CAMK2G: variants seen among roughly 807,000 people sequenced by gnomAD.
CAMK2G encodes calcium/calmodulin dependent protein kinase II gamma.
CAMK2G carries 23 observed loss-of-function variants against 88.7 expected under a neutral mutation model. The observed-to-expected ratio is 0.26, with a 90% CI of 0.19 to 0.37. CAMK2G has a LOEUF of 0.37. Among genes scored for constraint, CAMK2G ranks in the 10% least tolerant of loss-of-function variants. The pLI, the probability that CAMK2G is intolerant of heterozygous loss-of-function variation, is 1.00. For synonymous variants in CAMK2G, 263 were observed against 294.8 expected, an observed-to-expected ratio of 0.89 and a Z score of 1.11; for missense variants, 476 against 780.8, an observed-to-expected ratio of 0.61 and a Z score of 4.65.
intron 18 of CAMK2G, among the ~76,000 whole-genome samples, chr10:73,820,876 G>T (rs1164175410): frequency 1.3e-5 from 2 of 151,962 alleles, no homozygotes; most frequent in African/African-American, 4.8e-5. Flanking sequence ...GTTTCACCAT[G>T]TTGGCCAGGC....
At chr10:73,818,840 G>A (rs1487884208) in intron 19 of CAMK2G, 1 of 456,232 alleles carries the variant, frequency 2.2e-6, no homozygotes, top group East Asian at 6.9e-5. Context: ...AACTCTGCAA[G>A]GATAGATGGT....
chr10:73,816,444 A>G, intron 21 of CAMK2G: 2 of 1,084,712 alleles, frequency 1.8e-6, no homozygotes, highest in Non-Finnish European at 2.3e-6. Context: ...CGTCTTGGAA[A>G]GAGGTGAGGC....
Position 73,820,464 on chromosome 10 carries a change from T to TTTTATA in CAMK2G, c.1250-820_1250-819insTATAAA, listed in dbSNP as rs1483925128. 4.0e-5 allele frequency among the ~76,000 whole-genome samples: 3 copies of TTTTATA among 74,088 alleles called. No homozygotes were observed. The South Asian group carries it at 1.6e-3, about 40-fold the overall frequency. 48.6% of individuals were successfully genotyped at this position (74,088 alleles called of 152,430 possible). On this transcript the variant is annotated intron_variant, in intron 18 of 22. Transcript: ENST00000423381. ...TCCCAGGACTATCTGGGTTTTATATTTATATATATATATATATATATATAT... is the reference window on the plus strand; with the variant it reads ...TCCCAGGACTATCTGGGTTTTATATTTTTATATATATATATATATATATATATATAT...
chr10:73,873,393 C>T, intron 1 of CAMK2G: 2 of 1,253,500 alleles, frequency 1.6e-6, no homozygotes, highest in Non-Finnish European at 2.0e-6. Context: ...CACACACCTG[C>T]TGCATCTCAG....
At chr10:73,825,235 AG>A (rs2090515759) in intron 16 of CAMK2G, 43 bp downstream of exon 16, 1 of 1,386,128 alleles carries the variant, frequency 7.2e-7, no homozygotes, top group Non-Finnish European at 1.0e-6. Context: ...AAGGGGCAGG[AG>A]GCAGCCAGGG....
intron 21 of CAMK2G, 129 bp downstream of exon 21, chr10:73,816,894 A>G (rs2085764311): frequency 6.2e-7 from 1 of 1,609,046 alleles, no homozygotes; most frequent in Non-Finnish European, 8.5e-7. Flanking sequence ...ACAAGCATAC[A>G]GAGTAGGAGT....
intron 4 of CAMK2G, chr10:73,852,570 C>T: frequency 1.9e-6 from 1 of 516,104 alleles, no homozygotes; most frequent in East Asian, 3.2e-5. Context: ...AATAGTCAGG[C>T]AGAGATGAAG....
intron 2 of CAMK2G, among the ~76,000 whole-genome samples, chr10:73,863,038 T>C (rs143045473): frequency 2.0e-4 from 30 of 152,288 alleles, no homozygotes; most frequent in African/African-American, 6.0e-4. Context: ...ACTGTCAGTG[T>C]GAGATAATGT....
intron 2 of CAMK2G, among the ~76,000 whole-genome samples, chr10:73,871,422 T>C (rs1252000111): frequency 6.6e-6 from 1 of 152,280 alleles, no homozygotes; most frequent in East Asian, 1.9e-4. Context: ...CTCTTACCCA[T>C]GGGTCAGAGG....
Position 73,842,431 on chromosome 10 carries a change from G to A in CAMK2G, c.903+27C>T. 1 of 1,548,628 alleles carries A rather than the reference G, an allele frequency of 6.5e-7. No homozygotes were observed. The highest frequency in any genetic ancestry group is 8.9e-7 in the Non-Finnish European group (1 of 1,120,096). Reference sequence around the variant, plus strand: ...CTGGTGCAAGGCATGATGTCAAGGAGGCTGGCAGCCTAGAAACGACACTCA... The same window carrying A: ...CTGGTGCAAGGCATGATGTCAAGGAAGCTGGCAGCCTAGAAACGACACTCA... On this transcript the variant is annotated intron_variant, in intron 11 of 22. Coordinates refer to ENST00000423381, the MANE Select transcript of CAMK2G (RefSeq NM_001367534.1). This position sits in a 1 kb window ranked among gnomAD's most constrained non-coding sequence, Gnocchi z 4.6.
At chr10:73,871,168 A>G (rs1472956071) in intron 2 of CAMK2G, among the ~76,000 whole-genome samples, 6 of 143,708 alleles carry the variant, frequency 4.2e-5, no homozygotes, top group East Asian at 2.3e-4. Context: ...CTTGAGGGGA[A>G]AAAAAAAAAA....
intron 2 of CAMK2G, among the ~76,000 whole-genome samples, chr10:73,861,720 T>A (rs979241107): frequency 6.6e-6 from 1 of 152,176 alleles, no homozygotes; most frequent in Non-Finnish European, 1.5e-5. Context: ...TAATATATAC[T>A]CGGCACTGGC....
chr10:73,820,488 A>ATATG (rs2087795765), intron 18 of CAMK2G, among the ~76,000 whole-genome samples: 1 of 46,534 alleles, frequency 2.1e-5, no homozygotes, highest in African/African-American at 1.1e-4. Context: ...ATATATATAT[A>ATATG]TATATTTTTT....
chr10:73,815,395 A>G (rs1017403775), intron 21 of CAMK2G, 148 bp from the exon 22 acceptor site: 5 of 605,106 alleles, frequency 8.3e-6, no homozygotes, highest in African/African-American at 2.2e-5. Context: ...GAACCCCTGA[A>G]CGCCCTCCAG....
chr10:73,821,131 T>A lies in CAMK2G; in HGVS notation c.1249+551A>T, dbSNP rs559083581. Among the ~76,000 whole-genome samples the A allele has an allele frequency of 4.6e-5, 7 of 152,158 alleles. No homozygotes were observed. The South Asian group carries it at 1.2e-3, about 27-fold the overall frequency. On this transcript the variant is annotated intron_variant, in intron 18 of 22. Coordinates refer to ENST00000423381, the MANE Select transcript of CAMK2G (RefSeq NM_001367534.1). ...GGCCTATTTATTTGTTCCTAATTTT[T>A]TTTTTTTAATAGAGACAAGGTCTTG... is the stretch of plus-strand genomic sequence containing the variant.
chr10:73,847,166 C>T (rs1033282798), intron 10 of CAMK2G, 59 bp downstream of exon 10: 37 of 1,582,030 alleles, frequency 2.3e-5, no homozygotes, highest in Admixed American at 1.3e-4. Flanking sequence ...GGGGTGGTGC[C>T]GAGGGCACAC....
chr10:73,825,503 A>G (rs1276499501), intron 15 of CAMK2G, among the ~76,000 whole-genome samples, 156 bp from the exon 16 acceptor site: 2 of 150,810 alleles, frequency 1.3e-5, no homozygotes, highest in Non-Finnish European at 3.0e-5. Flanking sequence ...GGCTAGAGAG[A>G]TGATCAGAGG....
chr10:73,853,171 C>A, intron 4 of CAMK2G, 21 bp downstream of exon 4: 1 of 1,611,850 alleles, frequency 6.2e-7, no homozygotes, highest in Non-Finnish European at 8.5e-7. Context: ...GGCCCCCACA[C>A]CCTCAGAAAG....
In CAMK2G at chr10:73,847,231, C is replaced by G; in HGVS notation, c.813G>C (p.Trp271Cys). ...ITADQALKHP[W>C]VCQRSTVASM... ...CACTAGCAAAGACACTTACACAGAC[C>G]CACGGGTGCTTGAGAGCCTGGTCAG... The change falls in exon 10 of 23, where the codon TGG (tryptophan) becomes TGC (cysteine). Residue 271 changes from tryptophan (W) to cysteine (C), a missense_variant. Transcript: ENST00000423381. 6.2e-7 allele frequency: 1 copy of G among 1,614,170 alleles called. No homozygotes were observed. The highest frequency in any genetic ancestry group is 8.5e-7 in the Non-Finnish European group (1 of 1,180,000).
Sources: gnomAD v4.1 joint callset for allele counts (sites outside exome capture counted in the v4.1 genomes callset) on GRCh38, gnomAD v4.1.1 for gene constraint, Gnocchi (gnomAD v3.1) non-coding constraint, MANE v1.5 for transcripts, NCBI Gene and HGNC (gene_info 2026-07-23, HGNC 2026-07-21) for gene names.